The following IGF2R variants were observed in gnomAD, a reference collection of about 807,000 sequenced individuals.
The protein encoded by IGF2R is insulin like growth factor 2 receptor, also known as cation-independent mannose-6-phosphate receptor.
In IGF2R, 91 loss-of-function variants were observed where a neutral mutation model predicts 270.6. The ratio of observed to expected loss-of-function variants is 0.34; its 90% CI spans 0.28 to 0.40. The LOEUF (loss-of-function observed/expected upper bound fraction) is 0.40, where lower values mean the gene tolerates loss of function less well. Ranked by LOEUF, IGF2R falls within the 10% of genes least tolerant of loss-of-function variation. The pLI is 1.00. For missense variants in IGF2R, 2,805 were observed against 3,188.3 expected, an observed-to-expected ratio of 0.88 and a Z score of 2.90; for synonymous variants, 1,316 against 1,258.9, an observed-to-expected ratio of 1.05 and a Z score of -0.96.
chr6:160,055,832 G>C (rs1015709964), intron 19 of IGF2R, among the ~76,000 whole-genome samples: 2 of 152,178 alleles, frequency 1.3e-5, no homozygotes, highest in African/African-American at 4.8e-5. Flanking sequence ...CCTGTGTGGT[G>C]GTGGTGCTCT....
intron 44 of IGF2R, among the ~76,000 whole-genome samples, chr6:160,091,674 G>A (rs952254559): frequency 6.6e-6 from 1 of 152,268 alleles, no homozygotes; most frequent in Non-Finnish European, 1.5e-5. Context: ...TCACACTTCG[G>A]TGAATCCTTC....
chr6:160,003,720 A>G (rs1369098936), intron 2 of IGF2R: 2 of 152,248 alleles, frequency 1.3e-5, no homozygotes, highest in African/African-American at 2.4e-5. Flanking sequence ...ACAACAGGCA[A>G]GAATCTCTTT....
rs34536101 is a variant in IGF2R at position 159,975,684 on chromosome 6, T to TTATATA, written c.149+6302_149+6307dup. Among the ~76,000 whole-genome samples the TTATATA allele has an allele frequency of 2.7e-3, 382 of 141,724 alleles. 1 individual carries two copies. Among genetic ancestry groups the TTATATA allele is most frequent in the African/African-American group, 4.3e-3 (163 of 38,004 alleles). 93.0% of individuals were successfully genotyped at this position (141,724 alleles called of 152,430 possible). A position where few individuals can be genotyped will look rare whatever the true frequency, so the allele number is the denominator to read the frequency against. Reference sequence around the variant, plus strand: ...AAACCCATACATGTATTATATATATTTATATATATATATATATAAAGTATA... The same window carrying TTATATA: ...AAACCCATACATGTATTATATATATTTATATATATATATATATATATATAAAGTATA... On this transcript the variant is annotated intron_variant, in intron 1 of 47. Coordinates refer to ENST00000356956, the MANE Select transcript of IGF2R (RefSeq NM_000876.4).
intron 6 of IGF2R, among the ~76,000 whole-genome samples, chr6:160,029,097 C>G (rs1178656785): frequency 6.6e-6 from 1 of 152,090 alleles, no homozygotes; most frequent in Admixed American, 6.5e-5. Flanking sequence ...ATTCTCCTGC[C>G]TCAGCCTCCT....
At chr6:160,037,838 C>T (rs1222603542) in intron 10 of IGF2R, among the ~76,000 whole-genome samples, 1 of 152,138 alleles carries the variant, frequency 6.6e-6, no homozygotes, top group South Asian at 2.1e-4. Context: ...TGGAGACCTA[C>T]GCTTTTTCCA....
At chr6:159,985,369 G>T (rs1783865492) in intron 1 of IGF2R, among the ~76,000 whole-genome samples, 1 of 152,190 alleles carries the variant, frequency 6.6e-6, no homozygotes, top group Non-Finnish European at 1.5e-5. Context: ...TTATAATTCC[G>T]TGATGTTGGG....
chr6:160,048,339 CT>C lies in IGF2R; in HGVS notation c.2346-33del, dbSNP rs8191806. 9 of 1,595,546 alleles carry C rather than the reference CT, an allele frequency of 5.6e-6. No homozygotes were observed. In the East Asian group the frequency reaches 2.0e-4, roughly 36 times the overall value. ...TAAATGAGACTGAAATGTGTAAGCT[CT>C]TTAAAAGCATATACATTTTGCTTTG... On this transcript the variant is annotated intron_variant, in intron 17 of 47. Coordinates refer to ENST00000356956, the MANE Select transcript of IGF2R (RefSeq NM_000876.4).
rs1779687438 is a variant in IGF2R at position 160,109,055 on chromosome 6, A to G, written c.*3971A>G. 1.3e-5 allele frequency: 2 copies of G among 152,222 alleles called. No homozygotes were observed. The highest frequency in any genetic ancestry group is 6.5e-5 in the Admixed American group (1 of 15,280). The allele number at this position is 152,222 out of a possible 1,614,324, so 9.4% of individuals were successfully genotyped here. A position where few individuals can be genotyped will look rare whatever the true frequency, so the allele number is the denominator to read the frequency against. Reference sequence around the variant, plus strand: ...AGTTATTTGTATTTCTTTACCTTTTATGCTATCTTGTAGTTTGACCAGTTT... The same window carrying G: ...AGTTATTTGTATTTCTTTACCTTTTGTGCTATCTTGTAGTTTGACCAGTTT... On this transcript the variant is annotated 3_prime_UTR_variant, in exon 48 of 48. Transcript: ENST00000356956.
chr6:160,059,185 G>A (rs1253134552), intron 22 of IGF2R, 87 bp downstream of exon 22: 2 of 1,109,378 alleles, frequency 1.8e-6, no homozygotes, highest in Admixed American at 2.1e-5. Context: ...TGTAGGATGT[G>A]CACATCCCCC....
At chr6:159,971,413 T>A (rs938049956) in intron 1 of IGF2R, among the ~76,000 whole-genome samples, 2 of 152,204 alleles carry the variant, frequency 1.3e-5, no homozygotes, top group Non-Finnish European at 2.9e-5. Flanking sequence ...GAGGTTGATA[T>A]GCATTGTGAA....
chr6:160,019,031 C>T (rs1179730342), intron 4 of IGF2R, among the ~76,000 whole-genome samples: 1 of 151,968 alleles, frequency 6.6e-6, no homozygotes, highest in Non-Finnish European at 1.5e-5. Context: ...GAAGTTGGTT[C>T]TTTGGAAAGA....
chr6:160,012,747 A>ATATATATATATG (rs1784354398), intron 4 of IGF2R, among the ~76,000 whole-genome samples: 2 of 69,332 alleles, frequency 2.9e-5, no homozygotes, highest in Non-Finnish European at 6.4e-5. Flanking sequence ...CGGCTAATTT[A>ATATATATATATG]TATATATATA....
chr6:159,997,555 G>A (rs1048427748), intron 2 of IGF2R, among the ~76,000 whole-genome samples: 4 of 152,158 alleles, frequency 2.6e-5, no homozygotes, highest in Admixed American at 2.0e-4. Flanking sequence ...ACCAGCAGTC[G>A]ACCACAGAGG....
At chr6:159,979,767 C>G (rs1220600762) in intron 1 of IGF2R, among the ~76,000 whole-genome samples, 1 of 152,110 alleles carries the variant, frequency 6.6e-6, no homozygotes. Context: ...TGGGCTGAGC[C>G]ATTGGGAGAA....
In IGF2R at chr6:160,084,365, G is replaced by T. The variant is rs1779053230; in HGVS notation, c.6068+181G>T. Among the ~76,000 whole-genome samples the T allele has an allele frequency of 6.6e-6, 1 of 152,176 alleles. No individual in the cohort carries two copies. The highest frequency in any genetic ancestry group is 1.5e-5 in the Non-Finnish European group (1 of 68,030). ...CCGCAGTGTCAATCCTGGCACAGAG[G>T]GTGGTTCTGAGGTCAGAGTGGGGGC... is the stretch of plus-strand genomic sequence containing the variant. On this transcript the variant is annotated intron_variant, in intron 40 of 47. Coordinates refer to ENST00000356956, the MANE Select transcript of IGF2R (RefSeq NM_000876.4). This position sits in a 1 kb window ranked among gnomAD's most constrained non-coding sequence, Gnocchi z 4.6.
intron 17 of IGF2R, 91 bp from the exon 18 acceptor site, chr6:160,048,284 G>T: frequency 1.6e-6 from 2 of 1,234,998 alleles, no homozygotes; most frequent in Non-Finnish European, 2.4e-6. Flanking sequence ...TGTTTTATTT[G>T]GTAGCTTTAC....
intron 2 of IGF2R, among the ~76,000 whole-genome samples, chr6:159,992,583 T>C (rs1783995258): frequency 1.3e-5 from 2 of 149,830 alleles, no homozygotes; most frequent in South Asian, 4.2e-4. Context: ...AATTTGTCCA[T>C]AGAAAAGAAT....
chr6:159,992,069 CAGTT>C (rs1409865622), intron 2 of IGF2R, among the ~76,000 whole-genome samples: 2 of 152,122 alleles, frequency 1.3e-5, no homozygotes, highest in African/African-American at 4.8e-5. Context: ...TTCACTAAGG[CAGTT>C]AGAATAATGA....
intron 10 of IGF2R, among the ~76,000 whole-genome samples, chr6:160,038,473 CAG>C (rs1474227553): frequency 3.9e-5 from 6 of 152,196 alleles, no homozygotes; most frequent in Non-Finnish European, 8.8e-5. Context: ...TAGTATGTCT[CAG>C]ATGTAAAACC....
Sources: allele counts gnomAD v4.1 joint callset (sites outside exome capture counted in the v4.1 genomes callset), GRCh38; gene constraint gnomAD v4.1.1; non-coding constraint Gnocchi (gnomAD v3.1); transcripts MANE v1.5; gene names NCBI Gene and HGNC (gene_info 2026-07-23, HGNC 2026-07-21).